ZNF536: variants seen among roughly 807,000 people sequenced by gnomAD.
The protein encoded by ZNF536 is zinc finger protein 536.
Under a neutral mutation model 84.5 loss-of-function variants are expected in ZNF536, and 13 were observed. The observed-to-expected ratio is 0.15, with a 90% CI of 0.10 to 0.24. The LOEUF (loss-of-function observed/expected upper bound fraction) is 0.24, where lower values mean the gene tolerates loss of function less well. Ranked by LOEUF, ZNF536 falls within the 10% of genes least tolerant of loss-of-function variation. ZNF536 has a pLI of 1.00. For missense variants in ZNF536, 1,536 were observed against 1,747.5 expected, an observed-to-expected ratio of 0.88 and a Z score of 2.16; for synonymous variants, 811 against 742.5, an observed-to-expected ratio of 1.09 and a Z score of -1.50.
chr19:30,711,718 C>T (rs2052459346), exon 2 of ZNF536: 2 of 151,522 alleles, frequency 1.3e-5, no homozygotes, highest in African/African-American at 4.9e-5. Flanking sequence ...TGAGTAATTC[C>T]TTTTTTTAGA....
intron 1 of ZNF536, among the ~76,000 whole-genome samples, chr19:30,703,130 T>A (rs1268590952): frequency 6.6e-6 from 1 of 151,944 alleles, no homozygotes; most frequent in Non-Finnish European, 1.5e-5. Context: ...AGGAGTTGGA[T>A]GAAGTAGGGG....
chr19:30,644,138 A>G (rs1039531289), intron 1 of ZNF536, among the ~76,000 whole-genome samples: 1 of 152,200 alleles, frequency 6.6e-6, no homozygotes, highest in Admixed American at 6.5e-5. Flanking sequence ...TGTCCACTTC[A>G]GTTGTCCCTG....
intron 1 of ZNF536, among the ~76,000 whole-genome samples, chr19:30,279,465 G>T (rs2145602668): frequency 6.6e-6 from 1 of 152,264 alleles, no homozygotes; most frequent in Admixed American, 6.5e-5. Flanking sequence ...TGTGTCATTT[G>T]GGGCCATGTT....
At chr19:30,649,126 A>C (rs771925486) in intron 1 of ZNF536, among the ~76,000 whole-genome samples, 2 of 152,224 alleles carry the variant, frequency 1.3e-5, no homozygotes, top group Non-Finnish European at 2.9e-5. Flanking sequence ...CAGGGAGGAC[A>C]GTCCTCTGTC....
chr19:30,519,250 C>T (rs1380521158), intron 2 of ZNF536, among the ~76,000 whole-genome samples: 1 of 152,236 alleles, frequency 6.6e-6, no homozygotes, highest in Non-Finnish European at 1.5e-5. Context: ...AGCCACCAGC[C>T]TTGCTGCAAA....
chr19:30,445,227 C>T lies in ZNF536; in HGVS notation c.1665C>T (p.Ala555=), dbSNP rs752338941. The change falls in exon 2 of 5, where the codon GCC becomes GCT. Residue 555 remains alanine (A), a synonymous_variant. Transcript: ENST00000355537. The surrounding 1 kb of genome is among the most constrained non-coding windows in gnomAD (Gnocchi z 4.5). ...ACCACGAAGACACTTTGGCAAACGC[C>T]GGGGTTCTGTTTGATAAGGAGAAGC... ...QRNHEDTLAN[A]GVLFDKEKRE... is the part of the protein sequence containing the mutation. 6.8e-6 allele frequency: 11 copies of T among 1,614,048 alleles called. No individual in the cohort carries two copies. The highest frequency in any genetic ancestry group is 6.7e-5 in the East Asian group (3 of 44,862).
rs140363321 is a variant in ZNF536 at position 30,604,565 on chromosome 19, G to T, written c.169+55051G>T. Among the ~76,000 whole-genome samples the T allele has an allele frequency of 3.0e-3, 463 of 152,220 alleles. 1 individual carries two copies. Among genetic ancestry groups the T allele is most frequent in the African/African-American group, 0.011 (439 of 41,532 alleles). ...TGCTATTAGCTTCACAGGATAACTG[G>T]TTTTTTTCTTTATGATCAGAGGCAC... On this transcript the variant is annotated intron_variant, in intron 1 of 1. Coordinates refer to the ZNF536 transcript ENST00000592773.
intron 1 of ZNF536, among the ~76,000 whole-genome samples, chr19:30,403,618 T>C (rs548045948): frequency 6.6e-6 from 1 of 152,326 alleles, no homozygotes; most frequent in South Asian, 2.1e-4. Context: ...ATCCGCTTTA[T>C]TGAAGTTGGT....
intron 1 of ZNF536, among the ~76,000 whole-genome samples, chr19:30,251,241 A>G (rs1340403681): frequency 1.3e-5 from 2 of 152,186 alleles, no homozygotes; most frequent in African/African-American, 4.8e-5. Flanking sequence ...GGGGCCAACG[A>G]GAAACCATTT....
intron 2 of ZNF536, among the ~76,000 whole-genome samples, chr19:30,497,639 G>T: frequency 6.6e-6 from 1 of 152,192 alleles, no homozygotes; most frequent in East Asian, 1.9e-4. Context: ...GAGAAAGCAA[G>T]GGGGTGCCCC....
intron 2 of ZNF536, among the ~76,000 whole-genome samples, chr19:30,315,673 A>T (rs534287176): frequency 1.1e-4 from 17 of 152,304 alleles, no homozygotes; most frequent in Admixed American, 2.0e-4. Flanking sequence ...TGTAACGTGA[A>T]ATCTAAAAGA....
In ZNF536 at chr19:30,608,412, G is replaced by A. The variant is rs76914365; in HGVS notation, c.169+58898G>A. Among the ~76,000 whole-genome samples, 1,162 of 152,164 alleles carry A rather than the reference G, an allele frequency of 7.6e-3. 22 individuals are homozygous for A. The highest frequency in any genetic ancestry group is 0.035 in the Admixed American group (529 of 15,288). On this transcript the variant is annotated intron_variant, in intron 1 of 1. Coordinates refer to the ZNF536 transcript ENST00000592773. Reference sequence around the variant, plus strand: ...ATGGGCATCTGCAGATGTGAGACCCGGGAGACTTGTGTAGGGTGATATGAT... The same window carrying A: ...ATGGGCATCTGCAGATGTGAGACCCAGGAGACTTGTGTAGGGTGATATGAT...
At position 30,580,550 on chromosome 19, in the gene ZNF536, G is replaced by T. The variant is rs960834687; in HGVS notation, c.169+31036G>T. ...TGTGTTTCTGCGGGCATGCCAGGGA[G>T]GGTATGCTGTAGTGGTGCTGGGAGC... On this transcript the variant is annotated intron_variant, in intron 1 of 1. Coordinates refer to the ZNF536 transcript ENST00000592773. Among the ~76,000 whole-genome samples, 9 of 152,234 alleles carry T rather than the reference G, an allele frequency of 5.9e-5. No homozygotes were observed. In the South Asian group the frequency reaches 1.9e-3, roughly 32 times the overall value.
At chr19:30,558,743 G>A (rs998075469), downstream of ZNF536, among the ~76,000 whole-genome samples, 14 of 152,060 alleles carry the variant, frequency 9.2e-5, no homozygotes, top group African/African-American at 3.1e-4. Context: ...CCATTTCAAC[G>A]GTGTTTCCAA....
At chr19:30,264,423 G>A (rs915575925) in intron 1 of ZNF536, among the ~76,000 whole-genome samples, 1 of 146,982 alleles carries the variant, frequency 6.8e-6, no homozygotes, top group Admixed American at 7.0e-5. Flanking sequence ...GTGTGTGTAT[G>A]TGTGTGTATT....
rs962894749 is a variant in ZNF536, at chr19:30,381,739, C to T, written c.-3+9183C>T. On this transcript the variant is annotated intron_variant, in intron 1 of 4. Transcript: ENST00000355537. ...TGGATGCGGGGTGGTTGATGGGGAA[C>T]GTTGTAAACAGGCTTTCTTTCCATG... Among the ~76,000 whole-genome samples the T allele has an allele frequency of 1.6e-4, 25 of 152,116 alleles. No homozygotes were observed. In the East Asian group the frequency reaches 1.7e-3, roughly 11 times the overall value.
At chr19:30,479,561 C>T (rs557889526) in intron 2 of ZNF536, among the ~76,000 whole-genome samples, 1 of 152,324 alleles carries the variant, frequency 6.6e-6, no homozygotes, top group African/African-American at 2.4e-5. Flanking sequence ...CTCATTTTCC[C>T]CTTGGCCTGG....
intron 1 of ZNF536, among the ~76,000 whole-genome samples, chr19:30,628,150 G>A (rs1168523833): frequency 2.6e-5 from 4 of 152,198 alleles, no homozygotes; most frequent in Non-Finnish European, 4.4e-5. Context: ...CTGGGGGAAC[G>A]CTAAGTAGGC....
At chr19:30,680,403 T>G in intron 1 of ZNF536, among the ~76,000 whole-genome samples, 1 of 63,704 alleles carries the variant, frequency 1.6e-5, no homozygotes, top group African/African-American at 6.2e-5. Context: ...CCCTCCCCCC[T>G]CCCCCCACCC....
Sources: allele counts gnomAD v4.1 joint callset (sites outside exome capture counted in the v4.1 genomes callset), GRCh38; gene constraint gnomAD v4.1.1; non-coding constraint Gnocchi (gnomAD v3.1); transcripts MANE v1.5; gene names NCBI Gene and HGNC (gene_info 2026-07-23, HGNC 2026-07-21).